The following KIRREL3 variants were observed in gnomAD, a reference collection of about 807,000 sequenced individuals.
The protein encoded by KIRREL3 is kin of IRRE-like protein 3.
Under a neutral mutation model 89.7 loss-of-function variants are expected in KIRREL3, and 36 were observed. The ratio of observed to expected loss-of-function variants is 0.40; its 90% CI spans 0.31 to 0.53. KIRREL3 has a LOEUF of 0.53. Among genes scored for constraint, KIRREL3 ranks in the 20% least tolerant of loss-of-function variants. The probability of loss-of-function intolerance (pLI) is 0.49; values close to 1 mark genes in which losing one functional copy is unlikely to be tolerated. For missense variants in KIRREL3, 864 were observed against 1,056.6 expected, an observed-to-expected ratio of 0.82 and a Z score of 2.53; for synonymous variants, 445 against 441.4, an observed-to-expected ratio of 1.01 and a Z score of -0.10.
rs192429036 is a variant in KIRREL3 at position 126,567,010 on chromosome 11, G to T, written c.56-4098C>A. Among the ~76,000 whole-genome samples the T allele has an allele frequency of 5.3e-5, 8 of 152,278 alleles. No homozygotes were observed. The East Asian group carries it at 1.5e-3, about 29-fold the overall frequency. On this transcript the variant is annotated intron_variant, in intron 1 of 16. Transcript: ENST00000525144. ...TGGCTTGGTTCTTAGGGTAAAGTACGGGGTCGCAGAGCTGCAGATGCTGCA... is the reference window on the plus strand; with the variant it reads ...TGGCTTGGTTCTTAGGGTAAAGTACTGGGTCGCAGAGCTGCAGATGCTGCA...
intron 1 of KIRREL3, among the ~76,000 whole-genome samples, chr11:126,590,598 G>C (rs577141080): frequency 1.2e-4 from 18 of 152,336 alleles, no homozygotes; most frequent in Non-Finnish European, 1.8e-4. Context: ...TGGGGGGCTG[G>C]AAGGAGGAGA....
At chr11:126,451,287 T>TCC (rs1956123260) in intron 7 of KIRREL3, among the ~76,000 whole-genome samples, 1 of 146,968 alleles carries the variant, frequency 6.8e-6, no homozygotes, top group Admixed American at 6.7e-5. Flanking sequence ...CATGTGTGCG[T>TCC]GTGTGCATGT....
At chr11:126,758,319 CAT>C (rs1185199684) in intron 1 of KIRREL3, among the ~76,000 whole-genome samples, 8 of 152,200 alleles carry the variant, frequency 5.3e-5, no homozygotes, top group African/African-American at 1.9e-4. Context: ...ACCAGTGTCA[CAT>C]GTGTATTTTT....
Position 126,526,737 on chromosome 11 carries a change from G to A in KIRREL3, c.134-50C>T, listed in dbSNP as rs191239086. The A allele has an allele frequency of 3.2e-5, 49 of 1,527,160 alleles. No individual in the cohort carries two copies. Among genetic ancestry groups the A allele is most frequent in the Non-Finnish European group, 1.2e-5 (14 of 1,127,560 alleles). The allele number at this position is 1,527,160 out of a possible 1,614,324, so 94.6% of individuals were successfully genotyped here. On this transcript the variant is annotated intron_variant, in intron 2 of 16. Transcript: ENST00000525144. The surrounding 1 kb of genome is among the most constrained non-coding windows in gnomAD (Gnocchi z 5.7). ...TCAGTTATCTGCCGGCTACAGGGGC[G>A]AGAAGGCTCCCCTCCAGCTATGGAA...
intron 4 of KIRREL3, among the ~76,000 whole-genome samples, chr11:126,518,475 C>T (rs574506158): frequency 2.0e-5 from 3 of 152,356 alleles, no homozygotes; most frequent in South Asian, 2.1e-4. Flanking sequence ...ATTCTGCTTT[C>T]GCGTCTTCCG....
In KIRREL3 at chr11:126,791,429, G is replaced by A. The variant is rs1450968927; in HGVS notation, c.55+209026C>T. 2.0e-5 allele frequency among the ~76,000 whole-genome samples: 3 copies of A among 152,224 alleles called. No individual in the cohort carries two copies. The highest frequency in any genetic ancestry group is 1.9e-4 in the East Asian group (1 of 5,198). On this transcript the variant is annotated intron_variant, in intron 1 of 16. Transcript: ENST00000525144. The surrounding 1 kb of genome is among the most constrained non-coding windows in gnomAD (Gnocchi z 4.8). The stretch of plus-strand genomic sequence containing the variant: ...GCTTCAGCTTGGCCTCAGCTTATGC[G>A]GAGTGAAAGCCCAGCCACTCCTGAT...
chr11:126,884,915 G>T (rs763278645), intron 1 of KIRREL3, among the ~76,000 whole-genome samples: 5 of 152,138 alleles, frequency 3.3e-5, no homozygotes, highest in Non-Finnish European at 4.4e-5. Flanking sequence ...GTCAACACAT[G>T]ACAGAGTCTG....
intron 2 of KIRREL3, among the ~76,000 whole-genome samples, chr11:126,529,036 G>A (rs1045279777): frequency 6.6e-6 from 1 of 152,204 alleles, no homozygotes; most frequent in Non-Finnish European, 1.5e-5. Flanking sequence ...GGACGTGGAG[G>A]GGGTTATAAT....
At chr11:126,567,240 G>A (rs1940584605) in intron 1 of KIRREL3, among the ~76,000 whole-genome samples, 1 of 152,338 alleles carries the variant, frequency 6.6e-6, no homozygotes, top group South Asian at 2.1e-4. Context: ...CATTAGGACG[G>A]ACCTTTATCC....
rs578127323 is a variant in KIRREL3 at position 126,649,410 on chromosome 11, C to T, written c.56-86498G>A. Among the ~76,000 whole-genome samples the T allele has an allele frequency of 4.6e-5, 7 of 152,212 alleles. No homozygotes were observed. In the East Asian group the frequency reaches 1.2e-3, roughly 25 times the overall value. On this transcript the variant is annotated intron_variant, in intron 1 of 16. Transcript: ENST00000525144. ...CTGAGACAAGGCAAATCCCTTCTAC[C>T]TATGAGCCTGTAAAATCAAAAGCAA...
upstream of KIRREL3, among the ~76,000 whole-genome samples, chr11:127,001,880 G>A (rs141362679): frequency 8.6e-5 from 13 of 151,968 alleles, no homozygotes; most frequent in African/African-American, 2.2e-4. Context: ...AATATTCAAC[G>A]TTATGCACTG....
At chr11:126,950,859 G>A (rs1034093636) in intron 1 of KIRREL3, among the ~76,000 whole-genome samples, 3 of 152,146 alleles carry the variant, frequency 2.0e-5, no homozygotes, top group African/African-American at 4.8e-5. Flanking sequence ...GTCCTTTGAG[G>A]GAACAAAGAT....
intron 1 of KIRREL3, among the ~76,000 whole-genome samples, chr11:126,688,919 G>C (rs1439546690): frequency 6.6e-6 from 1 of 151,856 alleles, no homozygotes; most frequent in Non-Finnish European, 1.5e-5. Context: ...TGAGGGAGGA[G>C]GAAATAAAAG....
intron 1 of KIRREL3, among the ~76,000 whole-genome samples, chr11:126,799,474 G>GTAGGCA (rs1950961343): frequency 2.0e-5 from 3 of 149,388 alleles, no homozygotes; most frequent in African/African-American, 7.4e-5. Context: ...GTGTGTATCT[G>GTAGGCA]TGTGTGTGCA....
At chr11:126,923,195 CT>C (rs1414469272) in intron 1 of KIRREL3, among the ~76,000 whole-genome samples, 262 of 9,236 alleles carry the variant, frequency 0.028, 56 homozygotes, top group African/African-American at 0.085. Context: ...TTCTCTTCTT[CT>C]TCTTCTTCTT....
intron 1 of KIRREL3, among the ~76,000 whole-genome samples, chr11:126,893,620 C>T (rs1946015455): frequency 6.6e-6 from 1 of 152,216 alleles, no homozygotes; most frequent in Non-Finnish European, 1.5e-5. Context: ...ACCCGGGTTA[C>T]CGTGAGCTGA....
rs1945575941 is a variant in KIRREL3 at position 126,664,710 on chromosome 11, G to A, written c.56-101798C>T. 6.6e-6 allele frequency among the ~76,000 whole-genome samples: 1 copy of A among 152,196 alleles called. No homozygotes were observed. Among genetic ancestry groups the A allele is most frequent in the Non-Finnish European group, 1.5e-5 (1 of 68,034 alleles). On this transcript the variant is annotated intron_variant, in intron 1 of 16. Transcript: ENST00000525144. This position sits in a 1 kb window ranked among gnomAD's most constrained non-coding sequence, Gnocchi z 5.4. ...GCTCTCTGGGCTGTGGGACATCTAG[G>A]AAGCTGATGTCCTTGTTTCAGGGTC...
At position 126,647,895 on chromosome 11, in the gene KIRREL3, C is replaced by G. The variant is rs1470836244; in HGVS notation, c.56-84983G>C. 1.3e-5 allele frequency among the ~76,000 whole-genome samples: 2 copies of G among 152,180 alleles called. No homozygotes were observed. Among genetic ancestry groups the G allele is most frequent in the African/African-American group, 4.8e-5 (2 of 41,436 alleles). The stretch of plus-strand genomic sequence containing the variant: ...CTCATGGTGCTCTCCGGGGTCTGGC[C>G]TCGTTGTTACACTTTGACTTAATCT... On this transcript the variant is annotated intron_variant, in intron 1 of 16. Transcript: ENST00000525144. The surrounding 1 kb of genome is among the most constrained non-coding windows in gnomAD (Gnocchi z 4.9).
intron 1 of KIRREL3, among the ~76,000 whole-genome samples, chr11:126,949,273 G>T (rs1565450238): frequency 6.6e-6 from 1 of 152,202 alleles, no homozygotes; most frequent in Non-Finnish European, 1.5e-5. Context: ...TCACCATGTG[G>T]TTACCATGGC....
Sources: allele counts gnomAD v4.1 joint callset (sites outside exome capture counted in the v4.1 genomes callset), GRCh38; gene constraint gnomAD v4.1.1; non-coding constraint Gnocchi (gnomAD v3.1); transcripts MANE v1.5; gene names NCBI Gene and HGNC (gene_info 2026-07-23, HGNC 2026-07-21).